LASP1: variants seen among roughly 807,000 people sequenced by gnomAD.
LASP1 encodes LIM and SH3 domain protein 1.
LASP1 carries 10 observed loss-of-function variants against 38.6 expected under a neutral mutation model. That is an observed-to-expected ratio of 0.26 (90% CI 0.16 to 0.44). The LOEUF is 0.44. LASP1 is among the 20% of genes least tolerant of loss of function. The pLI, the probability that LASP1 is intolerant of heterozygous loss-of-function variation, is 1.00. For synonymous variants in LASP1, 132 were observed against 140.8 expected, an observed-to-expected ratio of 0.94 and a Z score of 0.44; for missense variants, 243 against 375.7, an observed-to-expected ratio of 0.65 and a Z score of 2.92.
At chr17:38,892,586 A>C (rs866814742) in intron 3 of LASP1, among the ~76,000 whole-genome samples, 4 of 147,346 alleles carry the variant, frequency 2.7e-5, no homozygotes, top group Non-Finnish European at 4.5e-5. Flanking sequence ...ACACACACAC[A>C]CACACCCTTC....
chr17:38,890,986 CTG>C (rs1914302688), intron 3 of LASP1, among the ~76,000 whole-genome samples: 2 of 152,194 alleles, frequency 1.3e-5, no homozygotes, highest in African/African-American at 2.4e-5. Context: ...TGTTCCGCCT[CTG>C]TCTCCTTTGG....
rs952203648 is a variant in LASP1, at chr17:38,890,065, G to T, written c.165-355G>T. Among the ~76,000 whole-genome samples, 98 of 152,216 alleles carry T rather than the reference G, an allele frequency of 6.4e-4. 1 individual carries two copies. Among genetic ancestry groups the T allele is most frequent in the Non-Finnish European group, 1.5e-4 (10 of 68,034 alleles). ...GCCCATCTTCCCCCAGCCGGGCCCA[G>T]TTGCCTCGACCTCCATGTGTGGTAG... On this transcript the variant is annotated intron_variant, in intron 2 of 6. Coordinates refer to ENST00000318008, the MANE Select transcript of LASP1 (RefSeq NM_006148.4).
In LASP1 at chr17:38,918,687, TG is replaced by T; in HGVS notation, c.696del (p.Gln233SerfsTer61). 1.2e-6 allele frequency: 2 copies of T among 1,613,880 alleles called. No homozygotes were observed. The highest frequency in any genetic ancestry group is 1.7e-6 in the Non-Finnish European group (2 of 1,179,886). On this transcript the variant is annotated frameshift_variant, in exon 7 of 7. Transcript: ENST00000318008. LOFTEE classifies it high-confidence loss of function. This position sits in a 1 kb window ranked among gnomAD's most constrained non-coding sequence, Gnocchi z 4.4. ...SFQDGDTIVN[V>X]QQIDDGWMYG... ...CAGGACGGGGACACCATCGTCAACG[TG>T]CAGCAGATCGACGACGGCTGGATGT...
chr17:38,918,835 G>A lies in LASP1; in HGVS notation c.*57G>A. 1 of 1,575,758 alleles carries A rather than the reference G, an allele frequency of 6.3e-7. No homozygotes were observed. Among genetic ancestry groups the A allele is most frequent in the Non-Finnish European group, 8.7e-7 (1 of 1,153,276 alleles). ...TTCCACGGCATCGCATCCGTCCTGG[G>A]CGTGACCCGTCCATTCTTCAGTGTC... On this transcript the variant is annotated 3_prime_UTR_variant, in exon 7 of 7. Transcript: ENST00000318008. The surrounding 1 kb of genome is among the most constrained non-coding windows in gnomAD (Gnocchi z 4.4).
At chr17:38,880,210 G>A (rs997375804) in intron 2 of LASP1, among the ~76,000 whole-genome samples, 3 of 152,352 alleles carry the variant, frequency 2.0e-5, no homozygotes, top group East Asian at 1.9e-4. Context: ...AAGTCTGACC[G>A]AGCCTTGGAG....
intron 4 of LASP1, among the ~76,000 whole-genome samples, chr17:38,907,028 G>A (rs1033881054): frequency 5.3e-5 from 8 of 152,224 alleles, no homozygotes; most frequent in Non-Finnish European, 1.2e-4. Flanking sequence ...GGATGAGCCA[G>A]GCCCTTGGAA....
In LASP1 at chr17:38,918,940, C is replaced by T. The variant is rs1296914255; in HGVS notation, c.*162C>T. 1 of 774,810 alleles carries T rather than the reference C, an allele frequency of 1.3e-6. No homozygotes were observed. The highest frequency in any genetic ancestry group is 2.0e-6 in the Non-Finnish European group (1 of 489,484). The allele number at this position is 774,810 out of a possible 1,614,324, so 48.0% of individuals were successfully genotyped here. A position where few individuals can be genotyped will look rare whatever the true frequency, so the allele number is the denominator to read the frequency against. On this transcript the variant is annotated 3_prime_UTR_variant, in exon 7 of 7. Transcript: ENST00000318008. This position sits in a 1 kb window ranked among gnomAD's most constrained non-coding sequence, Gnocchi z 4.4. ...TTTGCCAACTGAAGCCTTCTTCTGC[C>T]ACTTCTGCGGGCTCCCTCCTCTGGC...
chr17:38,913,838 T>C (rs57905741), intron 4 of LASP1, among the ~76,000 whole-genome samples: 2 of 16,142 alleles, frequency 1.2e-4, no homozygotes, highest in Admixed American at 7.8e-4. Flanking sequence ...CCTGTCTCTA[T>C]TAAAATACAA....
chr17:38,895,435 C>T (rs1428906143), intron 3 of LASP1, among the ~76,000 whole-genome samples: 1 of 152,032 alleles, frequency 6.6e-6, no homozygotes, highest in Non-Finnish European at 1.5e-5. Flanking sequence ...ATTCTCCTGC[C>T]TCAGCCTCCC....
chr17:38,905,294 C>T (rs977540554), intron 4 of LASP1, among the ~76,000 whole-genome samples: 7 of 151,924 alleles, frequency 4.6e-5, no homozygotes, highest in Middle Eastern at 3.4e-3. Context: ...TTTGGGAGAC[C>T]GAAGTGGGTG....
Position 38,919,742 on chromosome 17 carries a change from A to G in LASP1, c.*964A>G. 2.5e-6 allele frequency: 1 copy of G among 400,408 alleles called. No individual in the cohort carries two copies. The highest frequency in any genetic ancestry group is 2.0e-5 in the African/African-American group (1 of 49,646). The allele number at this position is 400,408 out of a possible 1,614,324, so 24.8% of individuals were successfully genotyped here. The stretch of plus-strand genomic sequence containing the variant: ...GGAAGATGTCTCAGAGCCTTCCATG[A>G]CCTCCCCTCCCCAGCCCAATGCCAA... On this transcript the variant is annotated 3_prime_UTR_variant, in exon 7 of 7. Coordinates refer to ENST00000318008, the MANE Select transcript of LASP1 (RefSeq NM_006148.4).
intron 4 of LASP1, among the ~76,000 whole-genome samples, chr17:38,909,350 G>A (rs1734803617): frequency 6.6e-6 from 1 of 152,178 alleles, no homozygotes; most frequent in Admixed American, 6.5e-5. Context: ...GCTCACGGCT[G>A]TAATCCCAGC....
intron 2 of LASP1, among the ~76,000 whole-genome samples, chr17:38,883,467 A>G (rs138398724): frequency 3.9e-5 from 6 of 152,294 alleles, no homozygotes; most frequent in Non-Finnish European, 7.4e-5. Context: ...CCTTCCCAAA[A>G]TTGTCTGCCT....
At chr17:38,871,941 C>T (rs539251371) in intron 1 of LASP1, among the ~76,000 whole-genome samples, 4 of 152,240 alleles carry the variant, frequency 2.6e-5, no homozygotes, top group African/African-American at 7.2e-5. Context: ...GGGTTTCGCC[C>T]GCCCCTCGTG....
chr17:38,886,018 C>T (rs1439225335), intron 2 of LASP1, among the ~76,000 whole-genome samples: 1 of 152,168 alleles, frequency 6.6e-6, no homozygotes, highest in Non-Finnish European at 1.5e-5. Flanking sequence ...ACTTTGCCCT[C>T]ATGGGCTTCT....
intron 5 of LASP1, 27 bp downstream of exon 5, chr17:38,914,502 T>C (rs1915052920): frequency 3.2e-6 from 5 of 1,572,474 alleles, no homozygotes; most frequent in South Asian, 1.2e-5. Context: ...TTGGTGCAGA[T>C]GACCTGAGGC....
intron 3 of LASP1, among the ~76,000 whole-genome samples, chr17:38,891,405 A>G (rs9889726): frequency 0.67 from 101,380 of 151,850 alleles, 34,085 homozygotes; most frequent in African/African-American, 0.74. Context: ...GCCCGGGTCC[A>G]TCAGGGAGAA....
intron 4 of LASP1, among the ~76,000 whole-genome samples, chr17:38,912,510 C>T (rs971131892): frequency 2.6e-5 from 4 of 152,108 alleles, no homozygotes; most frequent in Non-Finnish European, 4.4e-5. Flanking sequence ...GTCAGGGTGC[C>T]GCAAGCACAA....
chr17:38,919,982 C>T lies in LASP1; in HGVS notation c.*1204C>T, dbSNP rs1030343237. ...AAGAGCTGTCTTCCCCTGAGAGTTTCCTCAGAACCCACAGTGAGAGGGGAG... is the reference window on the plus strand; with the variant it reads ...AAGAGCTGTCTTCCCCTGAGAGTTTTCTCAGAACCCACAGTGAGAGGGGAG... On this transcript the variant is annotated 3_prime_UTR_variant, in exon 7 of 7. Transcript: ENST00000318008. The T allele has an allele frequency of 1.9e-5, 10 of 534,900 alleles. No individual in the cohort carries two copies. Among genetic ancestry groups the T allele is most frequent in the African/African-American group, 1.7e-4 (9 of 53,864 alleles). The allele number at this position is 534,900 out of a possible 1,614,324, so 33.1% of individuals were successfully genotyped here.
Sources: gnomAD v4.1 joint callset for allele counts (sites outside exome capture counted in the v4.1 genomes callset) on GRCh38, gnomAD v4.1.1 for gene constraint, Gnocchi (gnomAD v3.1) non-coding constraint, MANE v1.5 for transcripts, NCBI Gene and HGNC (gene_info 2026-07-23, HGNC 2026-07-21) for gene names.